Variants in C11orf54 observed in about 807,000 individuals in gnomAD.
C11orf54 encodes beta-keto-L-gulonate decarboxylase.
C11orf54 carries 29 observed loss-of-function variants against 35.5 expected under a neutral mutation model. The ratio of observed to expected loss-of-function variants is 0.82; its 90% CI spans 0.61 to 1.11. The LOEUF is 1.11. C11orf54 is among the 50% of genes most tolerant of loss of function. The pLI, the probability that C11orf54 is intolerant of heterozygous loss-of-function variation, is 0.00. For missense variants in C11orf54, 373 were observed against 369.2 expected (o/e 1.01, Z -0.08); for synonymous variants, 108 against 121.1 (o/e 0.89, Z 0.71).
chr11:93,753,542 C>T, intron 3 of C11orf54, 140 bp from the exon 4 acceptor site: 2 of 682,690 alleles, frequency 2.9e-6, no homozygotes, highest in Non-Finnish European at 4.9e-6. Flanking sequence ...GGGGTTCTAG[C>T]CACTATGTCT....
chr11:93,743,936 C>A (rs1942305776), intron 1 of C11orf54, among the ~76,000 whole-genome samples: 1 of 152,096 alleles, frequency 6.6e-6, no homozygotes, highest in South Asian at 2.1e-4. Flanking sequence ...ATGTGAGAAC[C>A]TAACTCCTTT....
intron 6 of C11orf54, among the ~76,000 whole-genome samples, chr11:93,755,881 G>A (rs918967490): frequency 5.3e-5 from 8 of 151,730 alleles, no homozygotes; most frequent in African/African-American, 1.5e-4. Context: ...TAATATGGCT[G>A]GAGGCCAGAC....
chr11:93,751,655 C>T (rs531475653), intron 3 of C11orf54, among the ~76,000 whole-genome samples: 38 of 151,956 alleles, frequency 2.5e-4, no homozygotes, highest in South Asian at 4.2e-4. Flanking sequence ...CCGCCCACCT[C>T]GGCCTTCCAA....
At chr11:93,753,893 T>C (rs577682857) in intron 4 of C11orf54, 43 bp from the exon 5 acceptor site, 4 of 1,585,770 alleles carry the variant, frequency 2.5e-6, no homozygotes, top group East Asian at 4.5e-5. Context: ...CCAGGGACTT[T>C]GTACAAGTTG....
chr11:93,759,956 GTTGTT>G, intron 8 of C11orf54, 98 bp downstream of exon 8: 2 of 744,352 alleles, frequency 2.7e-6, no homozygotes, highest in Non-Finnish European at 4.2e-6. Context: ...TGTTGTTGTT[GTTGTT>G]TTGAGACAGA....
chr11:93,761,669 A>G lies in C11orf54; in HGVS notation c.929A>G (p.His310Arg). 1 of 1,602,234 alleles carries G rather than the reference A, an allele frequency of 6.2e-7. No homozygotes were observed. Among genetic ancestry groups the G allele is most frequent in the Non-Finnish European group, 8.5e-7 (1 of 1,176,600 alleles). The change falls in exon 9 of 9, where the codon CAT becomes CGT. Residue 310 changes from histidine (H) to arginine (R), a missense_variant. Transcript: ENST00000354421. ...CGCATTGATCAACCAAAAGAGACGC[A>G]TTCAATTGGGCGAGATTAAATCAGC... ...LYRIDQPKET[H>R]SIGRD is the part of the protein sequence containing the mutation.
chr11:93,747,324 T>C lies in C11orf54; in HGVS notation c.-70T>C, dbSNP rs1942525923. ...CAGAAACTGTTCATACTTGGTGCGC[T>C]GTGGACTCTTGTGATAATTAACCAA... is the stretch of plus-strand genomic sequence containing the variant. On this transcript the variant is annotated 5_prime_UTR_variant, in exon 2 of 9. Transcript: ENST00000354421. 1 of 1,221,054 alleles carries C rather than the reference T, an allele frequency of 8.2e-7. No individual in the cohort carries two copies. Among genetic ancestry groups the C allele is most frequent in the Non-Finnish European group, 1.2e-6 (1 of 864,266 alleles). 75.6% of individuals were successfully genotyped at this position (1,221,054 alleles called of 1,614,324 possible). A position where few individuals can be genotyped will look rare whatever the true frequency, so the allele number is the denominator to read the frequency against.
intron 1 of C11orf54, chr11:93,742,189 C>T (rs909173979): frequency 6.5e-6 from 1 of 152,844 alleles, no homozygotes; most frequent in Non-Finnish European, 1.5e-5. Context: ...TCCTACATCC[C>T]CCCTGCCCCA....
chr11:93,760,719 T>C (rs953863826), intron 8 of C11orf54, among the ~76,000 whole-genome samples: 3 of 152,014 alleles, frequency 2.0e-5, no homozygotes, highest in African/African-American at 7.3e-5. Context: ...AGTGCAGTGA[T>C]GCAATCTCGG....
At chr11:93,757,507 T>G (rs1382507333) in intron 7 of C11orf54, 42 bp downstream of exon 7, 2 of 1,559,202 alleles carry the variant, frequency 1.3e-6, no homozygotes, top group Non-Finnish European at 1.7e-6. Flanking sequence ...GGAGTTTGTG[T>G]GTGTGCACTT....
chr11:93,745,677 A>G (rs1316754753), intron 1 of C11orf54, among the ~76,000 whole-genome samples: 1 of 152,200 alleles, frequency 6.6e-6, no homozygotes, highest in Admixed American at 6.5e-5. Flanking sequence ...AAATAATTTA[A>G]GTATGATTAT....
chr11:93,762,986 A>T lies in C11orf54; in HGVS notation c.*1298A>T, dbSNP rs1012787724. The T allele has an allele frequency of 6.6e-6, 1 of 152,234 alleles. No individual in the cohort carries two copies. The highest frequency in any genetic ancestry group is 1.5e-5 in the Non-Finnish European group (1 of 68,032). 9.4% of individuals were successfully genotyped at this position (152,234 alleles called of 1,614,324 possible). On this transcript the variant is annotated 3_prime_UTR_variant, in exon 9 of 9. Transcript: ENST00000354421. ...ACATAATTTTCAAATAATATTTTTTAATTGTCTACTTTGGATGTTAGCTAT... is the reference window on the plus strand; with the variant it reads ...ACATAATTTTCAAATAATATTTTTTTATTGTCTACTTTGGATGTTAGCTAT...
chr11:93,754,869 G>A lies in C11orf54; in HGVS notation c.331-341G>A, dbSNP rs181330176. On this transcript the variant is annotated intron_variant, in intron 5 of 8. Transcript: ENST00000354421. ...TTGCCTCAGCCTCTTGAGTAGCTGG[G>A]ACTACAGGTGTGTGCCACCACGCCC... is the stretch of plus-strand genomic sequence containing the variant. 867 of 163,212 alleles carry A rather than the reference G, an allele frequency of 5.3e-3. 8 individuals are homozygous for A. Among genetic ancestry groups the A allele is most frequent in the African/African-American group, 0.019 (801 of 41,522 alleles). 10.1% of individuals were successfully genotyped at this position (163,212 alleles called of 1,614,324 possible).
At chr11:93,758,352 C>T (rs767913579) in intron 7 of C11orf54, among the ~76,000 whole-genome samples, 6 of 152,200 alleles carry the variant, frequency 3.9e-5, no homozygotes, top group Non-Finnish European at 8.8e-5. Flanking sequence ...CCCCAACTGC[C>T]CAGGCGCAGC....
chr11:93,759,979 T>C, intron 8 of C11orf54, 121 bp downstream of exon 8: 1 of 625,402 alleles, frequency 1.6e-6, no homozygotes, highest in Non-Finnish European at 2.7e-6. Flanking sequence ...AGAGTTTCAC[T>C]CTTGTTGCCC....
chr11:93,759,834 A>T lies in C11orf54; in HGVS notation c.750A>T (p.Leu250=), dbSNP rs761734799. ...AAATGAAAGCTCCTTTGGTTTGTCT[A>T]CCAGTTTTTGTCTCCAGAGACCCAG... ...FYEMKAPLVC[L]PVFVSRDPGF... Residue 250 remains leucine (L), a synonymous_variant, in exon 8 of 9, where the codon CTA becomes CTT. Coordinates refer to ENST00000354421, the MANE Select transcript of C11orf54 (RefSeq NM_001286069.2). 3.1e-6 allele frequency: 5 copies of T among 1,606,944 alleles called. No individual in the cohort carries two copies. The South Asian group carries it at 5.5e-5, about 18-fold the overall frequency.
rs1456493745 is a variant in C11orf54 at position 93,741,717 on chromosome 11, G to A, written c.-109G>A. The A allele has an allele frequency of 2.8e-6, 1 of 354,178 alleles. No homozygotes were observed. The highest frequency in any genetic ancestry group is 5.6e-6 in the Non-Finnish European group (1 of 179,612). The allele number at this position is 354,178 out of a possible 1,614,324, so 21.9% of individuals were successfully genotyped here. A position where few individuals can be genotyped will look rare whatever the true frequency, so the allele number is the denominator to read the frequency against. ...TCCGGACTCTGGGTGTTTTGCTACC[G>A]TGACCGTTTAGGTGAGTGGAATAGC... On this transcript the variant is annotated 5_prime_UTR_variant, in exon 1 of 9. It adds an upstream start codon to the 5' untranslated region. Coordinates refer to ENST00000354421, the MANE Select transcript of C11orf54 (RefSeq NM_001286069.2).
In C11orf54 at chr11:93,753,711, G is replaced by A. The variant is rs901337831; in HGVS notation, c.184G>A (p.Val62Ile). 8 of 1,614,012 alleles carry A rather than the reference G, an allele frequency of 5.0e-6. No homozygotes were observed. The Admixed American group carries it at 1.0e-4, about 20-fold the overall frequency. The change falls in exon 4 of 9, where the codon GTT becomes ATT. Residue 62 changes from valine (V) to isoleucine (I), a missense_variant. Physicochemically the swap from Val to Ile is conservative, Grantham distance 29 (BLOSUM62 3). Coordinates refer to ENST00000354421, the MANE Select transcript of C11orf54 (RefSeq NM_001286069.2). The stretch of plus-strand genomic sequence containing the variant: ...CTGTGGGAAAACTAGAATTGCAGAA[G>A]TTGGAGGTGTGCCTTACTTATTGCC... ...GICGKTRIAE[V>I]GGVPYLLPLV...
chr11:93,746,838 A>G (rs951358922), intron 1 of C11orf54: 1 of 152,242 alleles, frequency 6.6e-6, no homozygotes, highest in Admixed American at 6.5e-5. Flanking sequence ...GAGATCCTAT[A>G]TGTACTATAC....
Sources: allele counts gnomAD v4.1 joint callset (sites outside exome capture counted in the v4.1 genomes callset), GRCh38; gene constraint gnomAD v4.1.1; transcripts MANE v1.5; gene names NCBI Gene and HGNC (gene_info 2026-07-23, HGNC 2026-07-21).